STX18: variants seen among roughly 807,000 people sequenced by gnomAD.
The protein encoded by STX18 is syntaxin-18.
STX18 carries 40 observed loss-of-function variants against 50.1 expected under a neutral mutation model. That is an observed-to-expected ratio of 0.80 (90% CI 0.62 to 1.04). STX18 has a LOEUF of 1.04. STX18 is among the 50% of genes least tolerant of loss of function. The probability of loss-of-function intolerance (pLI) is 0.00; values close to 1 mark genes in which losing one functional copy is unlikely to be tolerated. For missense variants in STX18, 410 were observed against 415.8 expected (o/e 0.99, Z 0.12); for synonymous variants, 158 against 151.8 (o/e 1.04, Z -0.30).
intron 1 of STX18, among the ~76,000 whole-genome samples, chr4:4,524,683 G>A (rs1203655638): frequency 6.6e-6 from 1 of 152,246 alleles, no homozygotes; most frequent in Non-Finnish European, 1.5e-5. Context: ...CAGGCCTGTG[G>A]TGACACTGTT....
At chr4:4,501,161 C>T (rs572292183) in intron 1 of STX18, among the ~76,000 whole-genome samples, 1 of 152,300 alleles carries the variant, frequency 6.6e-6, no homozygotes, top group East Asian at 1.9e-4. Context: ...CATCTTTTTG[C>T]TAAACTATAC....
At chr4:4,465,306 G>A (rs1217948665) in intron 2 of STX18, among the ~76,000 whole-genome samples, 1 of 152,142 alleles carries the variant, frequency 6.6e-6, no homozygotes, top group East Asian at 1.9e-4. Flanking sequence ...GTACTTGTAT[G>A]TTCATCACTG....
intron 1 of STX18, among the ~76,000 whole-genome samples, chr4:4,523,864 C>T (rs747075500): frequency 6.6e-6 from 1 of 152,176 alleles, no homozygotes; most frequent in South Asian, 2.1e-4. Flanking sequence ...TGCCATTCCT[C>T]TCCCATTCTA....
intron 1 of STX18, among the ~76,000 whole-genome samples, chr4:4,488,317 G>A (rs1290266015): frequency 6.6e-6 from 1 of 151,944 alleles, no homozygotes; most frequent in Admixed American, 6.6e-5. Context: ...AAAAAAAAAA[G>A]TTTTGTTTGA....
chr4:4,514,248 C>G (rs1303715168), intron 1 of STX18, among the ~76,000 whole-genome samples: 1 of 152,192 alleles, frequency 6.6e-6, no homozygotes, highest in Non-Finnish European at 1.5e-5. Flanking sequence ...CTTCTCACTG[C>G]AGATGGAGAA....
intron 1 of STX18, among the ~76,000 whole-genome samples, chr4:4,513,132 C>A (rs1206654398): frequency 6.6e-6 from 1 of 152,160 alleles, no homozygotes; most frequent in Non-Finnish European, 1.5e-5. Context: ...TGAGAGGAGA[C>A]AGACACAGGA....
intron 5 of STX18, among the ~76,000 whole-genome samples, chr4:4,447,813 AT>A (rs748737587): frequency 2.6e-5 from 4 of 151,814 alleles, no homozygotes; most frequent in African/African-American, 9.7e-5. Context: ...TAATAAGACA[AT>A]TTTTTTTGTG....
chr4:4,520,972 A>C (rs1284411519), intron 1 of STX18, among the ~76,000 whole-genome samples: 4 of 152,246 alleles, frequency 2.6e-5, no homozygotes, highest in African/African-American at 7.2e-5. Context: ...CTAGTCTTCC[A>C]AAAAGACTTG....
At position 4,541,852 on chromosome 4, in the gene STX18, A is replaced by T. The variant is rs1359112180; in HGVS notation, c.113T>A (p.Leu38Gln). 1.2e-6 allele frequency: 2 copies of T among 1,611,262 alleles called. No individual in the cohort carries two copies. The highest frequency in any genetic ancestry group is 3.3e-5 in the Admixed American group (2 of 59,912). The part of the protein sequence containing the change: ...GGGVDGSRDE[L>Q]FRRSPRPKGD... ...CTTGGGCCGGGGGCTCCGGCGGAAC[A>T]GCTCGTCCCGGCTGCCATCGACCCC... The change falls in exon 1 of 11, where the codon CTG becomes CAG. Residue 38 changes from leucine to glutamine, a missense_variant. Physicochemically the swap from Leu to Gln is moderately radical, Grantham distance 113 (BLOSUM62 -2). Coordinates refer to ENST00000306200, the MANE Select transcript of STX18 (RefSeq NM_016930.4).
chr4:4,538,103 A>G (rs1479178758), intron 1 of STX18, among the ~76,000 whole-genome samples: 1 of 89,776 alleles, frequency 1.1e-5, no homozygotes, highest in Non-Finnish European at 2.3e-5. Context: ...CTTTTGAGTG[A>G]AAAAAAAAAA....
rs1353557881 is a variant in STX18, at chr4:4,507,436, C to A, written c.168+34361G>T. On this transcript the variant is annotated intron_variant, in intron 1 of 10. Coordinates refer to ENST00000306200, the MANE Select transcript of STX18 (RefSeq NM_016930.4). Reference sequence around the variant, plus strand: ...ATCTTTCCAGAAAATCCAAGTCCGGCTAGTATGCGAACTGGAGAAAAAGTT... The same window carrying A: ...ATCTTTCCAGAAAATCCAAGTCCGGATAGTATGCGAACTGGAGAAAAAGTT... 3.9e-6 allele frequency: 3 copies of A among 759,558 alleles called. No individual in the cohort carries two copies. The East Asian group carries it at 7.4e-5, about 19-fold the overall frequency. 47.1% of individuals were successfully genotyped at this position (759,558 alleles called of 1,614,324 possible).
intron 1 of STX18, chr4:4,507,325 G>C: frequency 1.4e-6 from 1 of 737,424 alleles, no homozygotes; most frequent in African/African-American, 1.7e-5. Flanking sequence ...TCAGCTCACA[G>C]AGCTGAATAT....
rs1725690261 is a variant in STX18 at position 4,434,797 on chromosome 4, A to T, written c.675T>A (p.Asp225Glu). 2.5e-6 allele frequency: 4 copies of T among 1,607,412 alleles called. No individual in the cohort carries two copies. Among genetic ancestry groups the T allele is most frequent in the Non-Finnish European group, 3.4e-6 (4 of 1,178,300 alleles). Residue 225 changes from aspartate (D) to glutamate (E), a missense_variant, in exon 7 of 11, where the codon GAT (aspartate) becomes GAA (glutamate). By Grantham distance (45) the Asp-to-Glu change is conservative (BLOSUM62 2). Coordinates refer to ENST00000306200, the MANE Select transcript of STX18 (RefSeq NM_016930.4). ...TTTGTATTTCTTCTGGGGATAACTCATCTTCGCCTTTGCCATCTCCCCACG... is the reference window on the plus strand; with the variant it reads ...TTTGTATTTCTTCTGGGGATAACTCTTCTTCGCCTTTGCCATCTCCCCACG... ...LGTWGDGKGE[D>E]ELSPEEIQMF...
intron 5 of STX18, among the ~76,000 whole-genome samples, chr4:4,449,488 C>T (rs1483778493): frequency 1.3e-5 from 2 of 152,310 alleles, no homozygotes; most frequent in South Asian, 2.1e-4. Flanking sequence ...TTGAGTTTCA[C>T]GGCCTCAACA....
At chr4:4,444,492 A>C (rs1726284553) in intron 5 of STX18, among the ~76,000 whole-genome samples, 2 of 152,208 alleles carry the variant, frequency 1.3e-5, no homozygotes, top group African/African-American at 4.8e-5. Flanking sequence ...CCTGATTGAC[A>C]ATACATGGTG....
chr4:4,457,647 T>C (rs1727150773), intron 3 of STX18, 147 bp from the exon 4 acceptor site: 1 of 638,376 alleles, frequency 1.6e-6, no homozygotes, highest in African/African-American at 1.8e-5. Flanking sequence ...ACACTACATT[T>C]TTAAAACAGT....
intron 1 of STX18, among the ~76,000 whole-genome samples, chr4:4,493,507 T>TA (rs1041084114): frequency 2.6e-5 from 4 of 152,044 alleles, no homozygotes; most frequent in Non-Finnish European, 5.9e-5. Context: ...CCTCTATGAT[T>TA]AAAAAAAATT....
chr4:4,480,322 A>G (rs1208158910), intron 1 of STX18, among the ~76,000 whole-genome samples: 1 of 152,186 alleles, frequency 6.6e-6, no homozygotes, highest in Non-Finnish European at 1.5e-5. Context: ...AACCCAGGAT[A>G]AGCCCACATC....
At chr4:4,497,596 C>G (rs1391152128) in intron 1 of STX18, among the ~76,000 whole-genome samples, 1 of 152,046 alleles carries the variant, frequency 6.6e-6, no homozygotes, top group Admixed American at 6.5e-5. Flanking sequence ...ACTGATTATC[C>G]TGGTTTTACA....
Sources: allele counts gnomAD v4.1 joint callset (sites outside exome capture counted in the v4.1 genomes callset), GRCh38; gene constraint gnomAD v4.1.1; transcripts MANE v1.5; gene names NCBI Gene and HGNC (gene_info 2026-07-23, HGNC 2026-07-21).